The following MAML3 variants were observed in gnomAD, a reference collection of about 807,000 sequenced individuals.
The protein encoded by MAML3 is mastermind-like protein 3.
A neutral mutation model predicts 101.9 loss-of-function variants in MAML3; 27 were observed. The ratio of observed to expected loss-of-function variants is 0.27; its 90% CI spans 0.20 to 0.37. The LOEUF (loss-of-function observed/expected upper bound fraction) is 0.37, where lower values mean the gene tolerates loss of function less well. Ranked by LOEUF, MAML3 falls within the 10% of genes least tolerant of loss-of-function variation. The pLI is 1.00. For missense variants in MAML3, 1,316 were observed against 1,444.9 expected (o/e 0.91, Z 1.45); for synonymous variants, 501 against 555.9 (o/e 0.90, Z 1.39).
chr4:139,790,131 G>A (rs936111817), intron 2 of MAML3, among the ~76,000 whole-genome samples: 1 of 149,838 alleles, frequency 6.7e-6, no homozygotes, highest in Non-Finnish European at 1.5e-5. Context: ...TGGGGCAGAC[G>A]GCTTGGGAGA....
chr4:139,935,880 CTA>C (rs1733497336), intron 1 of MAML3, among the ~76,000 whole-genome samples: 2 of 152,212 alleles, frequency 1.3e-5, no homozygotes, highest in African/African-American at 4.8e-5. Flanking sequence ...CATTTATTTT[CTA>C]TGTGTTGAGA....
At chr4:140,029,534 A>G (rs1726875427) in intron 1 of MAML3, among the ~76,000 whole-genome samples, 1 of 152,328 alleles carries the variant, frequency 6.6e-6, no homozygotes, top group Admixed American at 6.5e-5. Context: ...CTTGTATTGT[A>G]GCACAAAAAT....
chr4:139,730,721 T>G, intron 2 of MAML3, 54 bp from the exon 3 acceptor site: 1 of 1,511,910 alleles, frequency 6.6e-7, no homozygotes, highest in Non-Finnish European at 9.1e-7. Context: ...GACTCACTGC[T>G]GTTTGAAGGG....
intron 2 of MAML3, among the ~76,000 whole-genome samples, chr4:139,818,893 T>C (rs1730931139): frequency 6.6e-6 from 1 of 152,186 alleles, no homozygotes; most frequent in African/African-American, 2.4e-5. Context: ...GTCTAGAAAA[T>C]CTGGTTGTAC....
At chr4:139,998,625 C>T (rs1168347161) in intron 1 of MAML3, among the ~76,000 whole-genome samples, 1 of 152,216 alleles carries the variant, frequency 6.6e-6, no homozygotes, top group Admixed American at 6.5e-5. Context: ...GTATGGGTTA[C>T]ACTCTCCTCT....
At chr4:139,982,003 C>A (rs771828011) in intron 1 of MAML3, among the ~76,000 whole-genome samples, 5 of 152,208 alleles carry the variant, frequency 3.3e-5, no homozygotes, top group Non-Finnish European at 7.3e-5. Flanking sequence ...TTCTTTTCCG[C>A]CTCCTTTTTC....
rs115077802 is a variant in MAML3, at chr4:139,778,340, C to A, written c.2080-47673G>T. ...AAGTGAAGTGAGGGCCTTGCCTCCT[C>A]CATTGAGGTCCCAGAGAAGAGTAAA... is the stretch of plus-strand genomic sequence containing the variant. On this transcript the variant is annotated intron_variant, in intron 2 of 4. Transcript: ENST00000509479. Among the ~76,000 whole-genome samples the A allele has an allele frequency of 3.3e-3, 502 of 152,238 alleles. 2 individuals carry two copies. The highest frequency in any genetic ancestry group is 0.012 in the African/African-American group (482 of 41,560).
At chr4:139,925,278 T>G (rs1307821972) in intron 1 of MAML3, among the ~76,000 whole-genome samples, 1 of 152,142 alleles carries the variant, frequency 6.6e-6, no homozygotes, top group Non-Finnish European at 1.5e-5. Context: ...CGTGCAGGCT[T>G]GAGTGCAGTG....
At chr4:140,128,636 C>T (rs1728727763) in intron 1 of MAML3, among the ~76,000 whole-genome samples, 1 of 152,176 alleles carries the variant, frequency 6.6e-6, no homozygotes, top group Admixed American at 6.5e-5. Context: ...AGGCTATCCC[C>T]ACACAAAGGC....
chr4:139,978,628 A>C (rs1349391956), intron 1 of MAML3, among the ~76,000 whole-genome samples: 1 of 151,382 alleles, frequency 6.6e-6, no homozygotes, highest in Non-Finnish European at 1.5e-5. Flanking sequence ...AAAGAGAGAG[A>C]GAGAGAGCAC....
At chr4:139,797,759 C>G in intron 2 of MAML3, among the ~76,000 whole-genome samples, 2 of 152,054 alleles carry the variant, frequency 1.3e-5, no homozygotes, top group Middle Eastern at 6.8e-3. Context: ...CCTGCACCCC[C>G]CAAAAAAGAC....
chr4:140,078,012 G>A lies in MAML3; in HGVS notation c.468+74848C>T, dbSNP rs895556866. On this transcript the variant is annotated intron_variant, in intron 1 of 4. Transcript: ENST00000509479. ...CAACCTGGCAACAGAGCAAGACTCC[G>A]TCTCAAATAAATAAAAAAATAAATA... Among the ~76,000 whole-genome samples the A allele has an allele frequency of 2.2e-4, 22 of 98,658 alleles. No individual in the cohort carries two copies. The East Asian group carries it at 2.8e-3, about 12-fold the overall frequency. 64.7% of individuals were successfully genotyped at this position (98,658 alleles called of 152,430 possible).
At chr4:139,957,300 G>T (rs1328089051) in intron 1 of MAML3, among the ~76,000 whole-genome samples, 2 of 152,248 alleles carry the variant, frequency 1.3e-5, no homozygotes, top group African/African-American at 4.8e-5. Flanking sequence ...CAGAGGCTCA[G>T]AGAGGTTGAT....
intron 1 of MAML3, among the ~76,000 whole-genome samples, chr4:140,101,768 C>T (rs1265486067): frequency 6.6e-6 from 1 of 151,958 alleles, no homozygotes; most frequent in African/African-American, 2.4e-5. Flanking sequence ...AAGGTACTAT[C>T]ATCATTTTGC....
At chr4:140,042,642 GA>G (rs5862451) in intron 1 of MAML3, among the ~76,000 whole-genome samples, 133,932 of 150,938 alleles carry the variant, frequency 0.89, 61,410 homozygotes, top group East Asian at 1. Context: ...TCAAAAAAAA[GA>G]AAAAAAAAAT....
rs201922047 is a variant in MAML3 at position 140,091,546 on chromosome 4, AAC to A, written c.468+61312_468+61313del. On this transcript the variant is annotated intron_variant, in intron 1 of 4. Transcript: ENST00000509479. ...AAACAAAACAACAAAACAAAAACAA[AAC>A]AAAAAAAAAAAACAGGACCAAGGAC... is the stretch of plus-strand genomic sequence containing the variant. 6.7e-3 allele frequency among the ~76,000 whole-genome samples: 963 copies of A among 143,452 alleles called. 53 individuals carry two copies. Among genetic ancestry groups the A allele is most frequent in the Non-Finnish European group, 8.8e-3 (582 of 66,492 alleles). The allele number at this position is 143,452 out of a possible 152,430, so 94.1% of individuals were successfully genotyped here.
intron 1 of MAML3, among the ~76,000 whole-genome samples, chr4:139,893,577 T>C (rs1305860068): frequency 6.6e-6 from 1 of 152,162 alleles, no homozygotes; most frequent in Non-Finnish European, 1.5e-5. Flanking sequence ...CATTCTATTG[T>C]CTAATTCACA....
chr4:140,063,283 G>A (rs931667915), intron 1 of MAML3, among the ~76,000 whole-genome samples: 1 of 152,200 alleles, frequency 6.6e-6, no homozygotes, highest in Admixed American at 6.5e-5. Context: ...GACACAGAGA[G>A]GGAATGAAAG....
At chr4:139,792,384 G>A (rs1364695397) in intron 2 of MAML3, among the ~76,000 whole-genome samples, 1 of 152,090 alleles carries the variant, frequency 6.6e-6, no homozygotes, top group African/African-American at 2.4e-5. Flanking sequence ...TATCAACTTA[G>A]TTTAAAAATA....
Sources: allele counts gnomAD v4.1 joint callset (sites outside exome capture counted in the v4.1 genomes callset), GRCh38; gene constraint gnomAD v4.1.1; transcripts MANE v1.5; gene names NCBI Gene and HGNC (gene_info 2026-07-23, HGNC 2026-07-21).